ARHGAP26: variants seen among roughly 807,000 people sequenced by gnomAD.
ARHGAP26 encodes Rho GTPase activating protein 26, also known as rho GTPase-activating protein 26.
ARHGAP26 carries 38 observed loss-of-function variants against 104.8 expected under a neutral mutation model. That is an observed-to-expected ratio of 0.36 (90% CI 0.28 to 0.48). ARHGAP26 has a LOEUF of 0.48. Among genes scored for constraint, ARHGAP26 ranks in the 20% least tolerant of loss-of-function variants. The pLI, the probability that ARHGAP26 is intolerant of heterozygous loss-of-function variation, is 0.99. For missense variants in ARHGAP26, 704 were observed against 947.9 expected, an observed-to-expected ratio of 0.74 and a Z score of 3.38; for synonymous variants, 341 against 340.0, an observed-to-expected ratio of 1.00 and a Z score of -0.03.
At chr5:143,069,851 A>G (rs762532301) in intron 17 of ARHGAP26, among the ~76,000 whole-genome samples, 4 of 152,362 alleles carry the variant, frequency 2.6e-5, no homozygotes, top group East Asian at 3.9e-4. Flanking sequence ...TAATAAATAC[A>G]AAACAGCAAA....
intron 22 of ARHGAP26, among the ~76,000 whole-genome samples, chr5:143,221,911 TG>T (rs1811200981): frequency 7.5e-6 from 1 of 133,524 alleles, no homozygotes; most frequent in Non-Finnish European, 1.6e-5. Flanking sequence ...GGCAGGTGGG[TG>T]GGTGGATGGA....
chr5:142,806,175 C>T (rs1762953176), intron 1 of ARHGAP26, among the ~76,000 whole-genome samples: 2 of 152,232 alleles, frequency 1.3e-5, no homozygotes, highest in African/African-American at 4.8e-5. Context: ...TCACTGGAGC[C>T]TTGACCTTCT....
chr5:143,111,377 G>A (rs1233602111), intron 17 of ARHGAP26, among the ~76,000 whole-genome samples: 2 of 152,194 alleles, frequency 1.3e-5, no homozygotes, highest in Non-Finnish European at 2.9e-5. Flanking sequence ...AAATCAGACT[G>A]CAGACTTTTT....
intron 20 of ARHGAP26, among the ~76,000 whole-genome samples, chr5:143,204,698 C>T (rs1411557641): frequency 6.6e-6 from 1 of 152,086 alleles, no homozygotes; most frequent in African/African-American, 2.4e-5. Context: ...ATTTAGAACC[C>T]ACATTGTGTT....
chr5:142,908,852 C>T (rs1435170239), intron 9 of ARHGAP26: 1 of 167,362 alleles, frequency 6.0e-6, no homozygotes, highest in Non-Finnish European at 1.5e-5. Context: ...TTCCCTCCTC[C>T]TGGCTGTTGC....
intron 11 of ARHGAP26, among the ~76,000 whole-genome samples, chr5:142,978,842 C>CA (rs1269059381): frequency 6.7e-6 from 1 of 148,772 alleles, no homozygotes; most frequent in Non-Finnish European, 1.5e-5. Flanking sequence ...AATGGCCAGT[C>CA]ATGTCTCACC....
chr5:143,002,977 G>A (rs1777400396), intron 11 of ARHGAP26, among the ~76,000 whole-genome samples: 1 of 152,194 alleles, frequency 6.6e-6, no homozygotes, highest in South Asian at 2.1e-4. Flanking sequence ...GTGGTCTAGA[G>A]AGTCAGTGTT....
At chr5:142,902,838 C>T (rs971306652) in intron 7 of ARHGAP26, among the ~76,000 whole-genome samples, 22 of 152,154 alleles carry the variant, frequency 1.4e-4, no homozygotes, top group African/African-American at 2.2e-4. Context: ...GCTCTGAAAT[C>T]GAGATTGACA....
chr5:142,911,404 C>T (rs1761821929), intron 9 of ARHGAP26, among the ~76,000 whole-genome samples: 1 of 152,162 alleles, frequency 6.6e-6, no homozygotes, highest in African/African-American at 2.4e-5. Flanking sequence ...CTGCTCCATT[C>T]CCTCCTCCTT....
chr5:143,200,223 T>G (rs984815463), intron 20 of ARHGAP26, among the ~76,000 whole-genome samples: 1 of 152,202 alleles, frequency 6.6e-6, no homozygotes, highest in African/African-American at 2.4e-5. Context: ...ATTGTCAGTG[T>G]TGGTGGAAAT....
chr5:142,779,184 C>T (rs1756978757), intron 1 of ARHGAP26, among the ~76,000 whole-genome samples: 1 of 151,834 alleles, frequency 6.6e-6, no homozygotes, highest in South Asian at 2.1e-4. Context: ...GCATTAGCAG[C>T]CAGAGGAATT....
chr5:142,792,770 A>G (rs1597641462), intron 1 of ARHGAP26, among the ~76,000 whole-genome samples: 1 of 152,206 alleles, frequency 6.6e-6, no homozygotes, highest in East Asian at 1.9e-4. Context: ...CCTGGACCTG[A>G]AACGTAAGCT....
chr5:143,009,180 T>G (rs1778401929), intron 11 of ARHGAP26, among the ~76,000 whole-genome samples: 1 of 152,022 alleles, frequency 6.6e-6, no homozygotes, highest in Admixed American at 6.6e-5. Context: ...TGGTAAATAC[T>G]CCAGGCTAGA....
intron 20 of ARHGAP26, among the ~76,000 whole-genome samples, 191 bp from the exon 21 acceptor site, chr5:143,207,007 C>T (rs761027691): frequency 6.6e-6 from 1 of 152,214 alleles, no homozygotes; most frequent in Non-Finnish European, 1.5e-5. Context: ...CGAGGAATTA[C>T]AGAACAGACG....
chr5:143,172,614 G>T (rs1158034399), intron 20 of ARHGAP26, among the ~76,000 whole-genome samples: 1 of 152,072 alleles, frequency 6.6e-6, no homozygotes, highest in East Asian at 1.9e-4. Flanking sequence ...CTCTATATAG[G>T]GCTGTTACTC....
intron 1 of ARHGAP26, among the ~76,000 whole-genome samples, chr5:142,825,656 T>C (rs957804245): frequency 6.6e-6 from 1 of 152,212 alleles, no homozygotes; most frequent in African/African-American, 2.4e-5. Context: ...ACATTCCTTC[T>C]GGGACCTGCA....
intron 11 of ARHGAP26, among the ~76,000 whole-genome samples, chr5:142,948,106 G>A (rs957766213): frequency 3.9e-5 from 6 of 152,044 alleles, no homozygotes; most frequent in African/African-American, 1.2e-4. Flanking sequence ...TTTCAGACGC[G>A]GGCTTTGATG....
At chr5:143,173,638 A>C (rs953001643) in intron 20 of ARHGAP26, among the ~76,000 whole-genome samples, 3 of 152,214 alleles carry the variant, frequency 2.0e-5, no homozygotes, top group Non-Finnish European at 4.4e-5. Flanking sequence ...TGCCGGTAGC[A>C]GCCTCAGAAA....
Position 142,859,482 on chromosome 5 carries a change from G to A in ARHGAP26, c.155-13918G>A, listed in dbSNP as rs1203980625. On this transcript the variant is annotated intron_variant, in intron 1 of 22. Coordinates refer to ENST00000645722, the MANE Select transcript of ARHGAP26 (RefSeq NM_001135608.3). ...AATCTGCCCATGTTCTTCTAAAAAG[G>A]AAGAATTAAAATTTTAAATTATTAG... 2.6e-5 allele frequency: 4 copies of A among 152,154 alleles called. No individual in the cohort carries two copies. In the East Asian group the frequency reaches 7.7e-4, roughly 29 times the overall value. 9.4% of individuals were successfully genotyped at this position (152,154 alleles called of 1,614,324 possible).
Sources: gnomAD v4.1 joint callset for allele counts (sites outside exome capture counted in the v4.1 genomes callset) on GRCh38, gnomAD v4.1.1 for gene constraint, MANE v1.5 for transcripts, NCBI Gene and HGNC (gene_info 2026-07-23, HGNC 2026-07-21) for gene names.